GOT2: variants seen among roughly 807,000 people sequenced by gnomAD.
GOT2 encodes glutamic-oxaloacetic transaminase 2.
GOT2 carries 17 observed loss-of-function variants against 50.0 expected under a neutral mutation model. The observed-to-expected ratio is 0.34, with a 90% CI of 0.23 to 0.51. The LOEUF (loss-of-function observed/expected upper bound fraction) is 0.51. Ranked by LOEUF, GOT2 falls within the 20% of genes least tolerant of loss-of-function variation. The probability of loss-of-function intolerance (pLI) is 0.97; values close to 1 mark genes in which losing one functional copy is unlikely to be tolerated. For missense variants in GOT2, 430 were observed against 559.6 expected, an observed-to-expected ratio of 0.77 and a Z score of 2.34; for synonymous variants, 172 against 204.9, an observed-to-expected ratio of 0.84 and a Z score of 1.37.
chr16:58,716,946 C>T (rs1228035182), intron 6 of GOT2, 133 bp from the exon 7 acceptor site: 5 of 727,174 alleles, frequency 6.9e-6, no homozygotes, highest in Non-Finnish European at 1.1e-5. Flanking sequence ...CTGGGGCTAA[C>T]GTAATCCTGG....
chr16:58,712,895 T>A (rs2044660994), intron 8 of GOT2, among the ~76,000 whole-genome samples: 3 of 151,696 alleles, frequency 2.0e-5, no homozygotes, highest in Non-Finnish European at 4.4e-5. Context: ...AGGTCGGGAG[T>A]TCGAGACCAG....
intron 3 of GOT2, among the ~76,000 whole-genome samples, chr16:58,720,183 C>A (rs1166562991): frequency 2.0e-5 from 3 of 152,180 alleles, no homozygotes; most frequent in Non-Finnish European, 2.9e-5. Context: ...GCCTGGGCAA[C>A]AAGAGCGAAA....
At chr16:58,728,207 A>G (rs914260645) in intron 1 of GOT2, among the ~76,000 whole-genome samples, 3 of 152,108 alleles carry the variant, frequency 2.0e-5, no homozygotes, top group Non-Finnish European at 2.9e-5. Flanking sequence ...ATTTCTTGTA[A>G]TGTTTCTTTT....
At chr16:58,719,338 C>G in intron 3 of GOT2, 83 bp from the exon 4 acceptor site, 1 of 873,454 alleles carries the variant, frequency 1.1e-6, no homozygotes, top group Non-Finnish European at 1.9e-6. Flanking sequence ...TGTCCAGGAC[C>G]TTTCATACTT....
At chr16:58,716,533 G>C in intron 7 of GOT2, 130 bp downstream of exon 7, 1 of 741,724 alleles carries the variant, frequency 1.3e-6, no homozygotes. Flanking sequence ...TTCATCTTAG[G>C]GTAGGGAGGG....
At position 58,709,237 on chromosome 16, in the gene GOT2, T is replaced by TG. The variant is rs1418797369; in HGVS notation, c.1170+179dup. 5.0e-5 allele frequency: 28 copies of TG among 563,012 alleles called. No individual in the cohort carries two copies. The East Asian group carries it at 5.6e-4, about 11-fold the overall frequency. The allele number at this position is 563,012 out of a possible 1,614,324, so 34.9% of individuals were successfully genotyped here. On this transcript the variant is annotated intron_variant, in intron 9 of 9. Transcript: ENST00000245206. Reference sequence around the variant, plus strand: ...GAGATTGCACCACTGCACTCCAGCCTGGGTTTCAGAGCGAGACTGTCTCAA... The same window carrying TG: ...GAGATTGCACCACTGCACTCCAGCCTGGGGTTTCAGAGCGAGACTGTCTCAA...
At chr16:58,728,678 T>C (rs1403282358) in intron 1 of GOT2, among the ~76,000 whole-genome samples, 1 of 152,034 alleles carries the variant, frequency 6.6e-6, no homozygotes, top group Non-Finnish European at 1.5e-5. Context: ...CCAACCAACC[T>C]TTTCTGCTTT....
Position 58,734,307 on chromosome 16 carries a change from T to C in GOT2, c.-79A>G. 1 of 771,386 alleles carries C rather than the reference T, an allele frequency of 1.3e-6. No homozygotes were observed. Among genetic ancestry groups the C allele is most frequent in the Non-Finnish European group, 1.8e-6 (1 of 559,330 alleles). The allele number at this position is 771,386 out of a possible 1,614,324, so 47.8% of individuals were successfully genotyped here. A position where few individuals can be genotyped will look rare whatever the true frequency, so the allele number is the denominator to read the frequency against. On this transcript the variant is annotated 5_prime_UTR_variant, in exon 1 of 10. Transcript: ENST00000245206. Reference sequence around the variant, plus strand: ...GACACACACACAGGGAACCGGCTCCTGCTGAAGGTAAGGACAGGGACTTCC... The same window carrying C: ...GACACACACACAGGGAACCGGCTCCCGCTGAAGGTAAGGACAGGGACTTCC...
intron 4 of GOT2, 81 bp from the exon 5 acceptor site, chr16:58,718,769 T>A: frequency 2.5e-6 from 3 of 1,178,496 alleles, no homozygotes; most frequent in Non-Finnish European, 3.6e-6. Flanking sequence ...TGAGAGAACA[T>A]TTTTCTCTGC....
Position 58,708,234 on chromosome 16 carries a change from C to T in GOT2, c.1230G>A (p.Val410=), listed in dbSNP as rs1451850653. ...CCACGTTGCTGGAGGTGACCCCTGC[C>T]ACAGAGATGCGGCCATCTTTTGTCA... ...IYMTKDGRIS[V]AGVTSSNVGY... The change falls in exon 10 of 10, where the codon GTG becomes GTA. Residue 410 remains valine, a synonymous_variant. Coordinates refer to ENST00000245206, the MANE Select transcript of GOT2 (RefSeq NM_002080.4). The T allele has an allele frequency of 6.2e-7, 1 of 1,614,088 alleles. No homozygotes were observed. Among genetic ancestry groups the T allele is most frequent in the South Asian group, 1.1e-5 (1 of 91,078 alleles).
intron 1 of GOT2, 29 bp downstream of exon 1, chr16:58,734,111 T>C: frequency 7.9e-7 from 1 of 1,267,692 alleles, no homozygotes; most frequent in Non-Finnish European, 1.0e-6. Context: ...GCCATCGCCC[T>C]GGCTCCATCT....
In GOT2 at chr16:58,729,413, G is replaced by T. The variant is rs988710320; in HGVS notation, c.89+4727C>A. On this transcript the variant is annotated intron_variant, in intron 1 of 9. Coordinates refer to ENST00000245206, the MANE Select transcript of GOT2 (RefSeq NM_002080.4). The stretch of plus-strand genomic sequence containing the variant: ...ATAGTGGCTCTTGCCTGTAGTCCCA[G>T]CTACTCAGGAGGCTGAGGTGGGAGG... 6.0e-5 allele frequency among the ~76,000 whole-genome samples: 9 copies of T among 150,164 alleles called. No individual in the cohort carries two copies. The Admixed American group carries it at 6.0e-4, about 10-fold the overall frequency.
chr16:58,733,380 C>A (rs2044850794), intron 1 of GOT2, among the ~76,000 whole-genome samples: 1 of 152,132 alleles, frequency 6.6e-6, no homozygotes, highest in African/African-American at 2.4e-5. Flanking sequence ...CTCTGAGAAA[C>A]TGCAGTTACG....
At chr16:58,713,589 T>A (rs887871231) in intron 8 of GOT2, among the ~76,000 whole-genome samples, 5 of 151,958 alleles carry the variant, frequency 3.3e-5, no homozygotes, top group Admixed American at 2.0e-4. Context: ...ACAGAAAAAA[T>A]AGTTGTCACA....
intron 3 of GOT2, among the ~76,000 whole-genome samples, chr16:58,720,202 CTAAA>C (rs957626315): frequency 6.6e-6 from 1 of 152,106 alleles, no homozygotes; most frequent in Non-Finnish European, 1.5e-5. Context: ...AATTCCATCT[CTAAA>C]TAAATAAATA....
intron 1 of GOT2, among the ~76,000 whole-genome samples, chr16:58,729,316 A>C (rs761650710): frequency 4.1e-5 from 6 of 147,406 alleles, no homozygotes; most frequent in Non-Finnish European, 8.9e-5. Context: ...CTGAATGTCA[A>C]GGACATACTA....
chr16:58,710,967 C>CAAAAAAAAA (rs35679170), intron 8 of GOT2, among the ~76,000 whole-genome samples: 8 of 73,028 alleles, frequency 1.1e-4, no homozygotes, highest in South Asian at 5.2e-4. Context: ...GACTCTGTCT[C>CAAAAAAAAA]AAAAAAAAAA....
intron 1 of GOT2, among the ~76,000 whole-genome samples, chr16:58,733,407 A>C (rs1010735478): frequency 6.6e-6 from 1 of 152,174 alleles, no homozygotes; most frequent in Non-Finnish European, 1.5e-5. Flanking sequence ...TTACTGAATG[A>C]AAGAGCACAG....
chr16:58,720,825 A>G (rs759302096), intron 3 of GOT2, among the ~76,000 whole-genome samples: 21 of 152,064 alleles, frequency 1.4e-4, no homozygotes, highest in Non-Finnish European at 2.8e-4. Flanking sequence ...ACCTCAGGTG[A>G]TCCACCCGCC....
Sources: gnomAD v4.1 joint callset for allele counts (sites outside exome capture counted in the v4.1 genomes callset) on GRCh38, gnomAD v4.1.1 for gene constraint, MANE v1.5 for transcripts, NCBI Gene and HGNC (gene_info 2026-07-23, HGNC 2026-07-21) for gene names.